The following AUTS2 variants were observed in gnomAD, a reference collection of about 807,000 sequenced individuals.
AUTS2 encodes the protein activator of transcription and developmental regulator AUTS2, also known as autism susceptibility gene 2 protein.
In AUTS2, 17 loss-of-function variants were observed where a neutral mutation model predicts 112.4. That is an observed-to-expected ratio of 0.15 (90% CI 0.10 to 0.23). The LOEUF (loss-of-function observed/expected upper bound fraction) is 0.23. Among genes scored for constraint, AUTS2 ranks in the 10% least tolerant of loss-of-function variants. The pLI is 1.00. For missense variants in AUTS2, 1,510 were observed against 1,701.6 expected (o/e 0.89, Z 1.98); for synonymous variants, 751 against 702.7 (o/e 1.07, Z -1.09).
chr7:70,263,158 C>G (rs2129607544), intron 4 of AUTS2, among the ~76,000 whole-genome samples: 1 of 152,026 alleles, frequency 6.6e-6, no homozygotes, highest in Middle Eastern at 3.4e-3. Context: ...CAGTGGCAGT[C>G]TCCTAAAACG....
intron 2 of AUTS2, among the ~76,000 whole-genome samples, chr7:69,935,188 A>C (rs1796363622): frequency 6.6e-6 from 1 of 152,020 alleles, no homozygotes; most frequent in Non-Finnish European, 1.5e-5. Flanking sequence ...AAAAGGACGG[A>C]GGGGATCTTT....
At chr7:69,708,006 T>C (rs1289583204) in intron 1 of AUTS2, among the ~76,000 whole-genome samples, 1 of 152,170 alleles carries the variant, frequency 6.6e-6, no homozygotes, top group African/African-American at 2.4e-5. Flanking sequence ...TTGGGATGCG[T>C]GCCTCTTCCT....
At chr7:70,607,859 AT>A (rs1803866909) in intron 5 of AUTS2, among the ~76,000 whole-genome samples, 5 of 152,252 alleles carry the variant, frequency 3.3e-5, no homozygotes. Context: ...TACTATCTGC[AT>A]TTACTTAAAG....
At chr7:70,264,722 G>A (rs949254398) in intron 4 of AUTS2, among the ~76,000 whole-genome samples, 2 of 152,012 alleles carry the variant, frequency 1.3e-5, no homozygotes, top group African/African-American at 2.4e-5. Context: ...TTTTTTCCTT[G>A]AAGAATGGAT....
intron 5 of AUTS2, among the ~76,000 whole-genome samples, chr7:70,615,566 T>C (rs1411948432): frequency 6.7e-5 from 1 of 14,914 alleles, no homozygotes; most frequent in African/African-American, 3.2e-4. Context: ...GATTTATGGC[T>C]TGTTGTTGTT....
At chr7:70,260,386 A>G (rs1489919723) in intron 4 of AUTS2, among the ~76,000 whole-genome samples, 1 of 151,860 alleles carries the variant, frequency 6.6e-6, no homozygotes, top group Non-Finnish European at 1.5e-5. Flanking sequence ...AAAAAATACT[A>G]GATAGTTTAT....
chr7:70,047,293 A>G (rs1301636473), intron 2 of AUTS2, among the ~76,000 whole-genome samples: 1 of 152,220 alleles, frequency 6.6e-6, no homozygotes, highest in Non-Finnish European at 1.5e-5. Context: ...CACTTAGTCA[A>G]AATTTATTGA....
chr7:70,150,191 T>C (rs1302413559), intron 4 of AUTS2, among the ~76,000 whole-genome samples: 1 of 152,268 alleles, frequency 6.6e-6, no homozygotes, highest in East Asian at 1.9e-4. Flanking sequence ...AATTCTTTTC[T>C]GTGAATTTTA....
chr7:70,506,225 G>A (rs1282895407), intron 5 of AUTS2, among the ~76,000 whole-genome samples: 8 of 152,222 alleles, frequency 5.3e-5, no homozygotes, highest in Non-Finnish European at 1.2e-4. Flanking sequence ...GAGAGAAAGA[G>A]CAGGGCAAGG....
chr7:69,930,798 A>G (rs1451419572), intron 2 of AUTS2, among the ~76,000 whole-genome samples: 1 of 152,124 alleles, frequency 6.6e-6, no homozygotes, highest in African/African-American at 2.4e-5. Flanking sequence ...TTTGTACTTA[A>G]TGGTAAAAAT....
At chr7:70,203,371 C>T (rs1253685100) in intron 4 of AUTS2, among the ~76,000 whole-genome samples, 4 of 131,858 alleles carry the variant, frequency 3.0e-5, no homozygotes, top group Non-Finnish European at 4.8e-5. Context: ...AAGAAGTTTA[C>T]GGATAAAAGA....
At chr7:70,572,122 T>C (rs1801967582) in intron 5 of AUTS2, among the ~76,000 whole-genome samples, 1 of 152,182 alleles carries the variant, frequency 6.6e-6, no homozygotes, top group Admixed American at 6.5e-5. Context: ...CGAGTTCCCA[T>C]GGCATCGTTT....
chr7:70,251,022 A>G (rs1786563048), intron 4 of AUTS2, among the ~76,000 whole-genome samples: 1 of 152,202 alleles, frequency 6.6e-6, no homozygotes, highest in Non-Finnish European at 1.5e-5. Flanking sequence ...CAAAAATTAA[A>G]AAAGTATACA....
At chr7:70,595,108 A>G (rs1174461211) in intron 5 of AUTS2, among the ~76,000 whole-genome samples, 1 of 151,800 alleles carries the variant, frequency 6.6e-6, no homozygotes, top group East Asian at 1.9e-4. Context: ...AGAAAAAAAA[A>G]AAAGAATTAT....
At position 70,239,295 on chromosome 7, in the gene AUTS2, CAT is replaced by C. The variant is rs951992584; in HGVS notation, c.660+104727_660+104728del. 2.6e-4 allele frequency among the ~76,000 whole-genome samples: 40 copies of C among 152,286 alleles called. 1 individual carries two copies. Among genetic ancestry groups the C allele is most frequent in the African/African-American group, 8.9e-4 (37 of 41,558 alleles). On this transcript the variant is annotated intron_variant, in intron 4 of 18. Coordinates refer to ENST00000342771, the MANE Select transcript of AUTS2 (RefSeq NM_015570.4). ...GGCCCTACTACCTACTCTGGCCCAT[CAT>C]ATGTCTTTTGAGAAGATGATTTTTC...
chr7:70,482,235 T>C (rs979487425), intron 5 of AUTS2, among the ~76,000 whole-genome samples: 2 of 152,206 alleles, frequency 1.3e-5, no homozygotes, highest in African/African-American at 4.8e-5. Context: ...GGGGATTTAC[T>C]GCGACCATTT....
chr7:70,666,270 T>C (rs561294115), intron 5 of AUTS2, among the ~76,000 whole-genome samples: 1 of 152,332 alleles, frequency 6.6e-6, no homozygotes, highest in African/African-American at 2.4e-5. Flanking sequence ...TTAATATGTT[T>C]AAGTACTTGG....
chr7:69,719,715 A>C (rs1011366623), intron 1 of AUTS2, among the ~76,000 whole-genome samples: 1 of 152,160 alleles, frequency 6.6e-6, no homozygotes, highest in Admixed American at 6.5e-5. Context: ...GTTTTGCTTA[A>C]AGTATTCTTG....
intron 4 of AUTS2, among the ~76,000 whole-genome samples, chr7:70,245,145 T>TAG (rs1491533970): frequency 4.0e-5 from 1 of 25,162 alleles, no homozygotes; most frequent in Non-Finnish European, 9.6e-5. Flanking sequence ...TGTGTGTGTG[T>TAG]ATATATATAT....
Sources: allele counts gnomAD v4.1 joint callset (sites outside exome capture counted in the v4.1 genomes callset), GRCh38; gene constraint gnomAD v4.1.1; transcripts MANE v1.5; gene names NCBI Gene and HGNC (gene_info 2026-07-23, HGNC 2026-07-21).